NSL1: variants seen among roughly 807,000 people sequenced by gnomAD.
NSL1 encodes the protein kinetochore-associated protein NSL1 homolog.
In NSL1, 11 loss-of-function variants were observed where a neutral mutation model predicts 25.4. The ratio of observed to expected loss-of-function variants is 0.43; its 90% CI spans 0.27 to 0.72. NSL1 has a LOEUF of 0.72. Among genes scored for constraint, NSL1 ranks in the 30% least tolerant of loss-of-function variants. NSL1 has a pLI of 0.19. For synonymous variants in NSL1, 118 were observed against 120.6 expected (o/e 0.98, Z 0.14); for missense variants, 330 against 342.7 (o/e 0.96, Z 0.29).
At position 212,729,649 on chromosome 1, in the gene NSL1, G is replaced by T; in HGVS notation, c.*8759C>A. 25 of 985,340 alleles carry T rather than the reference G, an allele frequency of 2.5e-5. No homozygotes were observed. The highest frequency in any genetic ancestry group is 2.9e-5 in the Non-Finnish European group (24 of 829,922). 61.0% of individuals were successfully genotyped at this position (985,340 alleles called of 1,614,324 possible). A position where few individuals can be genotyped will look rare whatever the true frequency, so the allele number is the denominator to read the frequency against. ...GAATATGACAAGTCAGAGAGAATTC[G>T]AACACTTATTTTAACCTTTTCACCA... On this transcript the variant is annotated 3_prime_UTR_variant, in exon 6 of 6. Transcript: ENST00000366977.
intron 4 of NSL1, among the ~76,000 whole-genome samples, chr1:212,759,942 T>C (rs1659484683): frequency 6.6e-6 from 1 of 152,148 alleles, no homozygotes; most frequent in South Asian, 2.1e-4. Context: ...TACTGCGCAC[T>C]GGCATGTGCC....
At chr1:212,751,436 A>G (rs1454453079) in intron 4 of NSL1, among the ~76,000 whole-genome samples, 2 of 152,052 alleles carry the variant, frequency 1.3e-5, no homozygotes, top group Non-Finnish European at 2.9e-5. Context: ...CAAAGCACAC[A>G]CTCTTCTACA....
At chr1:212,759,416 G>C (rs1659456655) in intron 4 of NSL1, among the ~76,000 whole-genome samples, 1 of 152,128 alleles carries the variant, frequency 6.6e-6, no homozygotes, top group African/African-American at 2.4e-5. Flanking sequence ...CTGAGGCATG[G>C]GAAGAAAGGG....
At chr1:212,739,825 A>G (rs1342074738) in intron 4 of NSL1, among the ~76,000 whole-genome samples, 2 of 152,226 alleles carry the variant, frequency 1.3e-5, no homozygotes, top group Admixed American at 6.5e-5. Context: ...ACGAGTAGTC[A>G]TAACACTGTG....
chr1:212,730,222 C>T lies in NSL1; in HGVS notation c.*8186G>A, dbSNP rs1333234669. 1 of 949,812 alleles carries T rather than the reference C, an allele frequency of 1.1e-6. No individual in the cohort carries two copies. Among genetic ancestry groups the T allele is most frequent in the Non-Finnish European group, 1.2e-6 (1 of 818,138 alleles). 58.8% of individuals were successfully genotyped at this position (949,812 alleles called of 1,614,324 possible). ...TTGAGATCGCTCCACTACACTCCAG[C>T]CTGGGTGACAGTCTCAAAAAAAAAA... On this transcript the variant is annotated 3_prime_UTR_variant, in exon 6 of 6. Transcript: ENST00000366977.
chr1:212,739,757 T>C (rs1046151224), intron 4 of NSL1, among the ~76,000 whole-genome samples, 156 bp from the exon 5 acceptor site: 22 of 152,204 alleles, frequency 1.4e-4, no homozygotes, highest in African/African-American at 5.3e-4. Context: ...GTGAGACCAT[T>C]ATAATAATAG....
Position 212,737,756 on chromosome 1 carries a change from A to T in NSL1, c.*652T>A, listed in dbSNP as rs1658291299. 2 of 985,166 alleles carry T rather than the reference A, an allele frequency of 2.0e-6. No homozygotes were observed. Among genetic ancestry groups the T allele is most frequent in the Non-Finnish European group, 2.4e-6 (2 of 829,668 alleles). The allele number at this position is 985,166 out of a possible 1,614,324, so 61.0% of individuals were successfully genotyped here. On this transcript the variant is annotated 3_prime_UTR_variant, in exon 6 of 6. Coordinates refer to ENST00000366977, the MANE Select transcript of NSL1 (RefSeq NM_015471.4). ...AAAAAAGTGAGTGTGGGCAGGAAAC[A>T]TTGGCTACATGCCAATTTTTATTTC...
intron 1 of NSL1, 30 bp downstream of exon 1, chr1:212,791,500 G>A (rs1179485897): frequency 2.5e-6 from 4 of 1,569,302 alleles, no homozygotes; most frequent in Admixed American, 1.7e-5. Context: ...AGAGGATGAT[G>A]AGTAAAGAAC....
chr1:212,744,324 T>C (rs1248883513), intron 4 of NSL1, among the ~76,000 whole-genome samples: 1 of 152,156 alleles, frequency 6.6e-6, no homozygotes, highest in Non-Finnish European at 1.5e-5. Context: ...AAACATGGTA[T>C]TTCCAAAAAA....
rs1353256071 is a variant in NSL1 at position 212,732,304 on chromosome 1, T to C, written c.*6104A>G. 3 of 946,334 alleles carry C rather than the reference T, an allele frequency of 3.2e-6. No homozygotes were observed. The African/African-American group carries it at 5.7e-5, about 18-fold the overall frequency. The allele number at this position is 946,334 out of a possible 1,614,324, so 58.6% of individuals were successfully genotyped here. ...TTTTCTGAAAATATCTCTTTTGGAG[T>C]CCTACATAGTCCTTTTTTTTTTTTT... On this transcript the variant is annotated 3_prime_UTR_variant, in exon 6 of 6. Coordinates refer to ENST00000366977, the MANE Select transcript of NSL1 (RefSeq NM_015471.4).
chr1:212,789,020 G>GTCTTCC (rs1661063322), intron 1 of NSL1, among the ~76,000 whole-genome samples: 1 of 152,148 alleles, frequency 6.6e-6, no homozygotes, highest in African/African-American at 2.4e-5. Context: ...AGAAGGAAGA[G>GTCTTCC]GGATGGGGAA....
chr1:212,741,221 T>A (rs1658488064), intron 4 of NSL1, among the ~76,000 whole-genome samples: 1 of 152,188 alleles, frequency 6.6e-6, no homozygotes, highest in African/African-American at 2.4e-5. Context: ...AAATAAATAA[T>A]TCATCCTTTG....
Position 212,727,534 on chromosome 1 carries a change from A to G in NSL1, c.*10874T>C. Reference sequence around the variant, plus strand: ...ATCATAACTATACCACTGGAGAGAAAGGACAATGAATTAGACGTGTGCCAC... The same window carrying G: ...ATCATAACTATACCACTGGAGAGAAGGGACAATGAATTAGACGTGTGCCAC... On this transcript the variant is annotated 3_prime_UTR_variant, in exon 6 of 6. Transcript: ENST00000366977. 1 of 985,452 alleles carries G rather than the reference A, an allele frequency of 1.0e-6. No individual in the cohort carries two copies. 61.0% of individuals were successfully genotyped at this position (985,452 alleles called of 1,614,324 possible). A position where few individuals can be genotyped will look rare whatever the true frequency, so the allele number is the denominator to read the frequency against.
At chr1:212,742,190 T>C (rs1473639930) in intron 4 of NSL1, among the ~76,000 whole-genome samples, 1 of 152,218 alleles carries the variant, frequency 6.6e-6, no homozygotes, top group Non-Finnish European at 1.5e-5. Flanking sequence ...TGTTTAAATA[T>C]GCTCAGACCC....
At chr1:212,774,635 G>A (rs1660271759) in intron 4 of NSL1, among the ~76,000 whole-genome samples, 1 of 152,156 alleles carries the variant, frequency 6.6e-6, no homozygotes, top group Non-Finnish European at 1.5e-5. Flanking sequence ...ATCACAATAA[G>A]ATACCACTTT....
chr1:212,745,166 A>AC (rs1558041828), intron 4 of NSL1, among the ~76,000 whole-genome samples: 923 of 22,552 alleles, frequency 0.041, 3 homozygotes, highest in East Asian at 0.08. Flanking sequence ...CAAACTATAT[A>AC]TATATATATA....
chr1:212,787,432 A>G (rs1404564339), intron 2 of NSL1, 127 bp downstream of exon 2: 3 of 567,474 alleles, frequency 5.3e-6, no homozygotes, highest in Non-Finnish European at 9.2e-6. Context: ...GTTCTTTATT[A>G]CTCCCCTAGT....
intron 3 of NSL1, among the ~76,000 whole-genome samples, chr1:212,783,814 T>C (rs1007836374): frequency 6.6e-6 from 1 of 152,192 alleles, no homozygotes; most frequent in Non-Finnish European, 1.5e-5. Context: ...ACGGCTCTGC[T>C]TGTCTAAAAA....
At chr1:212,761,371 G>A (rs1041109897) in intron 4 of NSL1, among the ~76,000 whole-genome samples, 7 of 152,268 alleles carry the variant, frequency 4.6e-5, no homozygotes, top group Admixed American at 1.3e-4. Flanking sequence ...GCAACGTGGC[G>A]AAACCTCCTC....
Sources: allele counts gnomAD v4.1 joint callset (sites outside exome capture counted in the v4.1 genomes callset), GRCh38; gene constraint gnomAD v4.1.1; transcripts MANE v1.5; gene names NCBI Gene and HGNC (gene_info 2026-07-23, HGNC 2026-07-21).